Variants in MRPL1 observed in about 807,000 individuals in gnomAD.
MRPL1 encodes the protein large ribosomal subunit protein uL1m.
In MRPL1, 28 loss-of-function variants were observed where a neutral mutation model predicts 38.0. That is an observed-to-expected ratio of 0.74 (90% confidence interval 0.55 to 1.01). MRPL1 has a LOEUF of 1.01. Among genes scored for constraint, MRPL1 ranks in the 50% least tolerant of loss-of-function variants. The pLI, the probability that MRPL1 is intolerant of heterozygous loss-of-function variation, is 0.00. For missense variants in MRPL1, 358 were observed against 389.8 expected, an observed-to-expected ratio of 0.92 and a Z score of 0.69; for synonymous variants, 123 against 126.7, an observed-to-expected ratio of 0.97 and a Z score of 0.20.
intron 7 of MRPL1, among the ~76,000 whole-genome samples, chr4:77,938,652 TTC>T (rs1737046751): frequency 6.6e-6 from 1 of 152,174 alleles, no homozygotes; most frequent in Non-Finnish European, 1.5e-5. Context: ...TTTTTAGCTG[TTC>T]TTGACAAATC....
chr4:77,915,825 AGAT>A (rs1411960127), intron 7 of MRPL1, among the ~76,000 whole-genome samples: 7 of 152,270 alleles, frequency 4.6e-5, no homozygotes, highest in African/African-American at 1.7e-4. Flanking sequence ...AAATGTCATA[AGAT>A]GATACGTTGA....
In MRPL1 at chr4:77,941,953, A is replaced by AG. The variant is rs777628719; in HGVS notation, c.778-7842dup. On this transcript the variant is annotated intron_variant, in intron 7 of 8. Transcript: ENST00000315567. ...TTATTCTTGTTTCTCTAGTTCTTTG[A>AG]GGTGTGACTTTAGATTGTCTGTTTT... Among the ~76,000 whole-genome samples, 3 of 151,840 alleles carry AG rather than the reference A, an allele frequency of 2.0e-5. No homozygotes were observed. In the East Asian group the frequency reaches 5.8e-4, roughly 29 times the overall value.
intron 1 of MRPL1, among the ~76,000 whole-genome samples, chr4:77,866,328 A>G (rs1268101147): frequency 6.6e-6 from 1 of 152,272 alleles, no homozygotes; most frequent in Non-Finnish European, 1.5e-5. Flanking sequence ...CTGGGATTAC[A>G]GGCGTGAGCC....
intron 2 of MRPL1, among the ~76,000 whole-genome samples, chr4:77,881,462 T>TTTTTA (rs1294976551): frequency 6.7e-6 from 1 of 149,936 alleles, no homozygotes; most frequent in African/African-American, 2.5e-5. Context: ...TTTTTTTTTT[T>TTTTTA]GAGACAGGGT....
chr4:77,941,153 T>C (rs1343422158), intron 7 of MRPL1, among the ~76,000 whole-genome samples: 1 of 151,856 alleles, frequency 6.6e-6, no homozygotes, highest in African/African-American at 2.4e-5. Context: ...TAATCCCAGC[T>C]ACTTGGGAGG....
intron 2 of MRPL1, among the ~76,000 whole-genome samples, chr4:77,881,105 G>T (rs1016140988): frequency 9.2e-5 from 14 of 152,296 alleles, no homozygotes; most frequent in Admixed American, 7.9e-4. Flanking sequence ...TGTCATCTTT[G>T]CTTTATTCTG....
chr4:77,878,204 A>G (rs965004416), intron 2 of MRPL1, among the ~76,000 whole-genome samples: 5 of 152,202 alleles, frequency 3.3e-5, no homozygotes, highest in African/African-American at 1.2e-4. Flanking sequence ...TCATGGGTTC[A>G]AGAAAAGTTG....
chr4:77,932,010 T>A (rs1736855771), intron 7 of MRPL1, among the ~76,000 whole-genome samples: 1 of 152,118 alleles, frequency 6.6e-6, no homozygotes, highest in Non-Finnish European at 1.5e-5. Flanking sequence ...AGTTTTTGAG[T>A]TACAAGAGCT....
At chr4:77,916,658 G>C (rs956539573) in intron 7 of MRPL1, among the ~76,000 whole-genome samples, 1 of 152,114 alleles carries the variant, frequency 6.6e-6, no homozygotes, top group Non-Finnish European at 1.5e-5. Context: ...AAGATGCAAA[G>C]AGATCTGCCA....
intron 3 of MRPL1, 95 bp downstream of exon 3, chr4:77,883,595 G>A (rs1438164787): frequency 1.6e-6 from 2 of 1,275,544 alleles, no homozygotes; most frequent in Non-Finnish European, 2.1e-6. Flanking sequence ...TTATTTTTGA[G>A]ACAGGGTCTT....
At chr4:77,922,741 A>C (rs1736607224) in intron 7 of MRPL1, among the ~76,000 whole-genome samples, 1 of 152,198 alleles carries the variant, frequency 6.6e-6, no homozygotes, top group South Asian at 2.1e-4. Flanking sequence ...TTGCTGACAA[A>C]ACTGGAATAA....
At chr4:77,941,779 AATC>A (rs1234521309) in intron 7 of MRPL1, among the ~76,000 whole-genome samples, 1 of 152,086 alleles carries the variant, frequency 6.6e-6, no homozygotes, top group African/African-American at 2.4e-5. Context: ...TAATCTTGGT[AATC>A]ATCTATCGAT....
In MRPL1 at chr4:77,952,540, T is replaced by G; in HGVS notation, c.911T>G (p.Leu304Ter). ...FLRSSTSEGL[L>*]LKIDPLLPKE... is the part of the protein sequence containing the mutation. ...CGTAGTTCAACAAGTGAAGGTTTAT[T>G]ACTGAAGATTGATCCATTGTTGCCT... The change falls in exon 9 of 9, where the codon TTA (leucine) becomes TGA (stop). Residue 304 changes from leucine (L) to a stop codon, truncating the protein, a stop_gained. Transcript: ENST00000315567. LOFTEE classifies it high-confidence loss of function. 1 of 1,613,590 alleles carries G rather than the reference T, an allele frequency of 6.2e-7. No individual in the cohort carries two copies. Among genetic ancestry groups the G allele is most frequent in the Non-Finnish European group, 8.5e-7 (1 of 1,179,788 alleles).
intron 7 of MRPL1, among the ~76,000 whole-genome samples, chr4:77,922,384 G>A (rs1736600911): frequency 6.6e-6 from 1 of 152,192 alleles, no homozygotes. Context: ...AGGGGTTGTA[G>A]GTGATTAGGT....
At chr4:77,921,591 A>G (rs778324591) in intron 7 of MRPL1, among the ~76,000 whole-genome samples, 49 of 152,306 alleles carry the variant, frequency 3.2e-4, no homozygotes, top group Non-Finnish European at 6.2e-4. Flanking sequence ...AAAGGCTAAA[A>G]TATCTTTGAA....
chr4:77,872,311 T>C (rs1020379577), intron 2 of MRPL1, among the ~76,000 whole-genome samples: 2 of 152,232 alleles, frequency 1.3e-5, no homozygotes, highest in African/African-American at 2.4e-5. Context: ...ATTTAATTTC[T>C]TTCTGTCCTT....
At chr4:77,948,319 C>T (rs535315081) in intron 7 of MRPL1, among the ~76,000 whole-genome samples, 80 of 152,272 alleles carry the variant, frequency 5.3e-4, no homozygotes, top group Middle Eastern at 6.8e-3. Context: ...GGCAGGGACA[C>T]ATGCTGATGC....
intron 7 of MRPL1, among the ~76,000 whole-genome samples, chr4:77,927,480 G>A (rs780235952): frequency 7.2e-5 from 11 of 152,070 alleles, no homozygotes; most frequent in Non-Finnish European, 1.6e-4. Context: ...TCACAGGACA[G>A]ATTCCTGTTA....
At chr4:77,889,613 G>T (rs1735760619) in intron 5 of MRPL1, among the ~76,000 whole-genome samples, 1 of 151,990 alleles carries the variant, frequency 6.6e-6, no homozygotes, top group East Asian at 1.9e-4. Context: ...CTAGCAGAAA[G>T]CAAGAAATAA....
Sources: allele counts gnomAD v4.1 joint callset (sites outside exome capture counted in the v4.1 genomes callset), GRCh38; gene constraint gnomAD v4.1.1; transcripts MANE v1.5; gene names NCBI Gene and HGNC (gene_info 2026-07-23, HGNC 2026-07-21).